The following DNM3 variants were observed in gnomAD, a reference collection of about 807,000 sequenced individuals.
The protein encoded by DNM3 is dynamin 3, also known as dynamin-3.
DNM3 carries 47 observed loss-of-function variants against 101.6 expected under a neutral mutation model. That is an observed-to-expected ratio of 0.46 (90% CI 0.37 to 0.59). The LOEUF is 0.59. DNM3 is among the 20% of genes least tolerant of loss of function. The probability of loss-of-function intolerance (pLI) is 0.00; values close to 1 mark genes in which losing one functional copy is unlikely to be tolerated. For missense variants in DNM3, 849 were observed against 1,085.7 expected, an observed-to-expected ratio of 0.78 and a Z score of 3.06; for synonymous variants, 385 against 387.9, an observed-to-expected ratio of 0.99 and a Z score of 0.09.
chr1:171,998,446 A>G (rs559369692), intron 4 of DNM3, among the ~76,000 whole-genome samples: 1 of 152,156 alleles, frequency 6.6e-6, no homozygotes, highest in Non-Finnish European at 1.5e-5. Flanking sequence ...TCACTTTTCC[A>G]TATCAGTTTT....
chr1:172,252,045 CTT>C (rs2062190830), intron 14 of DNM3, among the ~76,000 whole-genome samples: 1 of 151,994 alleles, frequency 6.6e-6, no homozygotes, highest in Non-Finnish European at 1.5e-5. Flanking sequence ...ATATTCTTAA[CTT>C]TTGTTGTAGA....
At chr1:172,095,541 A>G (rs1430746048) in intron 13 of DNM3, among the ~76,000 whole-genome samples, 1 of 152,124 alleles carries the variant, frequency 6.6e-6, no homozygotes, top group Non-Finnish European at 1.5e-5. Flanking sequence ...TATGATGTTG[A>G]TTGGGGTTTA....
chr1:172,295,329 A>G (rs2064114894), intron 15 of DNM3, among the ~76,000 whole-genome samples: 1 of 152,244 alleles, frequency 6.6e-6, no homozygotes. Context: ...TATTTATTCA[A>G]GATAAACATG....
intron 16 of DNM3, among the ~76,000 whole-genome samples, chr1:172,320,044 A>G (rs2065620594): frequency 6.6e-6 from 1 of 151,392 alleles, no homozygotes; most frequent in African/African-American, 2.4e-5. Flanking sequence ...ATGGAATACT[A>G]CGCAGCCATA....
rs565713316 is a variant in DNM3, at chr1:172,130,021, AG to A, written c.1546-1152del. On this transcript the variant is annotated intron_variant, in intron 13 of 20. Coordinates refer to ENST00000627582, the MANE Select transcript of DNM3 (RefSeq NM_015569.5). ...TGACAGGGGCTGGAAATATGGAGAG[AG>A]GCTTGGAAGACAGTGATGAGAACCG... Among the ~76,000 whole-genome samples the A allele has an allele frequency of 1.8e-3, 278 of 152,232 alleles. 1 individual carries two copies. Among genetic ancestry groups the A allele is most frequent in the African/African-American group, 6.4e-3 (267 of 41,534 alleles).
intron 15 of DNM3, among the ~76,000 whole-genome samples, chr1:172,259,844 T>G (rs1417921766): frequency 6.6e-6 from 1 of 152,082 alleles, no homozygotes; most frequent in Non-Finnish European, 1.5e-5. Context: ...AATTTATCTT[T>G]GTGGTTTGTT....
At chr1:172,213,243 C>G (rs2060573639) in intron 14 of DNM3, among the ~76,000 whole-genome samples, 1 of 145,398 alleles carries the variant, frequency 6.9e-6, no homozygotes, top group Admixed American at 6.8e-5. Flanking sequence ...GGCCAATAGA[C>G]CTAGAAATTA....
At chr1:171,873,683 A>G (rs1348387586) in intron 1 of DNM3, among the ~76,000 whole-genome samples, 1 of 152,182 alleles carries the variant, frequency 6.6e-6, no homozygotes, top group African/African-American at 2.4e-5. Context: ...AAGATAAATG[A>G]CTGTAAAAAT....
rs912059226 is a variant in DNM3 at position 172,379,252 on chromosome 1, T to G, written c.2058+70T>G. ...AGTGTGGAAGTTGCACATATTATCT[T>G]CAGCTTCTTTGTGTATTTTCTGGAT... On this transcript the variant is annotated intron_variant, in intron 18 of 20. Coordinates refer to ENST00000627582, the MANE Select transcript of DNM3 (RefSeq NM_015569.5). The G allele has an allele frequency of 1.4e-5, 18 of 1,281,918 alleles. No homozygotes were observed. The African/African-American group carries it at 2.6e-4, about 18-fold the overall frequency. The allele number at this position is 1,281,918 out of a possible 1,614,324, so 79.4% of individuals were successfully genotyped here.
Position 172,313,359 on chromosome 1 carries a change from G to A in DNM3, c.1881+4520G>A, listed in dbSNP as rs140851331. Among the ~76,000 whole-genome samples, 219 of 152,264 alleles carry A rather than the reference G, an allele frequency of 1.4e-3. 1 individual carries two copies. The highest frequency in any genetic ancestry group is 0.012 in the East Asian group (64 of 5,188). ...TTTTAAAAGATTATTTTATTGACACGTACGTAAATTTTTCCTACATATGTG... is the reference window on the plus strand; with the variant it reads ...TTTTAAAAGATTATTTTATTGACACATACGTAAATTTTTCCTACATATGTG... On this transcript the variant is annotated intron_variant, in intron 16 of 20. Coordinates refer to ENST00000627582, the MANE Select transcript of DNM3 (RefSeq NM_015569.5).
intron 14 of DNM3, among the ~76,000 whole-genome samples, chr1:172,203,281 T>C (rs1313627763): frequency 6.6e-6 from 1 of 152,138 alleles, no homozygotes; most frequent in Non-Finnish European, 1.5e-5. Context: ...TTAGATTCCT[T>C]GTGAGCCCTC....
chr1:172,380,305 C>T (rs754640541), intron 18 of DNM3, among the ~76,000 whole-genome samples: 6 of 152,128 alleles, frequency 3.9e-5, no homozygotes, highest in Admixed American at 1.3e-4. Flanking sequence ...TATTTAAGAA[C>T]TGTAAATAGC....
intron 1 of DNM3, among the ~76,000 whole-genome samples, chr1:171,857,015 CAG>C (rs1200936466): frequency 6.6e-6 from 1 of 152,036 alleles, no homozygotes; most frequent in Non-Finnish European, 1.5e-5. Context: ...GTTTAGGGAA[CAG>C]AGAATTTTCT....
chr1:171,963,648 C>G (rs2043364966), intron 2 of DNM3, among the ~76,000 whole-genome samples: 1 of 151,924 alleles, frequency 6.6e-6, no homozygotes, highest in Non-Finnish European at 1.5e-5. Flanking sequence ...TCTGTACTTT[C>G]TGGTCAATTT....
At chr1:172,415,760 C>T (rs1005761079), downstream of DNM3, among the ~76,000 whole-genome samples, 4 of 151,966 alleles carry the variant, frequency 2.6e-5, no homozygotes, top group Non-Finnish European at 5.9e-5. Context: ...GAACTCCTGA[C>T]CTCAAGTGAT....
At chr1:172,402,899 T>C (rs1470006127) in intron 20 of DNM3, among the ~76,000 whole-genome samples, 2 of 152,210 alleles carry the variant, frequency 1.3e-5, no homozygotes, top group Non-Finnish European at 2.9e-5. Flanking sequence ...GTAAATTGAA[T>C]TGCTAATAAA....
At chr1:172,150,854 G>A (rs780645908) in intron 14 of DNM3, among the ~76,000 whole-genome samples, 15 of 152,192 alleles carry the variant, frequency 9.9e-5, no homozygotes, top group Non-Finnish European at 1.6e-4. Flanking sequence ...GGACACACCA[G>A]CCACCCAGGA....
chr1:171,917,764 A>C (rs957825520), intron 1 of DNM3, among the ~76,000 whole-genome samples: 2 of 152,318 alleles, frequency 1.3e-5, no homozygotes, highest in Admixed American at 1.3e-4. Flanking sequence ...TTTTATATAG[A>C]TATATTAGAA....
At chr1:171,906,691 A>C (rs2038865459) in intron 1 of DNM3, among the ~76,000 whole-genome samples, 1 of 152,180 alleles carries the variant, frequency 6.6e-6, no homozygotes. Context: ...CTTAACTTAC[A>C]GAATGTCCAC....
Sources: allele counts gnomAD v4.1 joint callset (sites outside exome capture counted in the v4.1 genomes callset), GRCh38; gene constraint gnomAD v4.1.1; transcripts MANE v1.5; gene names NCBI Gene and HGNC (gene_info 2026-07-23, HGNC 2026-07-21).